Variants in FBXL17 observed in about 807,000 individuals in gnomAD.
FBXL17 encodes F-box and leucine rich repeat protein 17.
In FBXL17, 22 loss-of-function variants were observed where a neutral mutation model predicts 66.2. The observed-to-expected ratio is 0.33, with a 90% CI of 0.24 to 0.47. FBXL17 has a LOEUF of 0.47. Among genes scored for constraint, FBXL17 ranks in the 20% least tolerant of loss-of-function variants. The pLI is 1.00. For synonymous variants in FBXL17, 474 were observed against 400.5 expected (o/e 1.18, Z -2.19); for missense variants, 878 against 948.2 (o/e 0.93, Z 0.97).
intron 6 of FBXL17, among the ~76,000 whole-genome samples, chr5:108,126,615 A>T (rs961348521): frequency 1.4e-4 from 14 of 100,588 alleles, no homozygotes; most frequent in Admixed American, 1.3e-3. Context: ...ATATAAGATT[A>T]TCTCTCTGTC....
At chr5:108,077,328 T>C (rs1369186977) in intron 6 of FBXL17, among the ~76,000 whole-genome samples, 1 of 152,238 alleles carries the variant, frequency 6.6e-6, no homozygotes, top group South Asian at 2.1e-4. Flanking sequence ...TATGATTTTC[T>C]CTGGTAGAAA....
chr5:108,195,789 G>C (rs1753656181), intron 5 of FBXL17, among the ~76,000 whole-genome samples: 1 of 152,130 alleles, frequency 6.6e-6, no homozygotes, highest in African/African-American at 2.4e-5. Flanking sequence ...TTTGAAAGTA[G>C]AATCAACAGA....
intron 6 of FBXL17, among the ~76,000 whole-genome samples, chr5:108,087,297 G>A (rs1749011046): frequency 6.6e-6 from 1 of 152,184 alleles, no homozygotes; most frequent in African/African-American, 2.4e-5. Flanking sequence ...CTGTGGTAGA[G>A]ACAGATGCAC....
chr5:108,000,098 T>A (rs569207440), intron 7 of FBXL17, among the ~76,000 whole-genome samples: 1 of 152,330 alleles, frequency 6.6e-6, no homozygotes, highest in Non-Finnish European at 1.5e-5. Context: ...TGTTTTCTTA[T>A]CTGTAAAATG....
chr5:107,937,793 T>C (rs1750963000), intron 7 of FBXL17, among the ~76,000 whole-genome samples: 1 of 152,084 alleles, frequency 6.6e-6, no homozygotes, highest in Non-Finnish European at 1.5e-5. Context: ...TCACTGGCAA[T>C]ATTGAGATTA....
chr5:108,220,352 C>T (rs1301781395), intron 5 of FBXL17, among the ~76,000 whole-genome samples: 1 of 152,118 alleles, frequency 6.6e-6, no homozygotes, highest in Non-Finnish European at 1.5e-5. Context: ...TACCCCCCAA[C>T]CTGTGCTGCA....
In FBXL17 at chr5:108,150,434, G is replaced by A. The variant is rs541173376; in HGVS notation, c.1745+35683C>T. On this transcript the variant is annotated intron_variant, in intron 6 of 8. Coordinates refer to ENST00000542267, the MANE Select transcript of FBXL17 (RefSeq NM_001163315.3). Reference sequence around the variant, plus strand: ...GCCCAGGCTGATCTCAAACTCCTGAGCTCAAGTAATCCTCTGGCTTCCACC... The same window carrying A: ...GCCCAGGCTGATCTCAAACTCCTGAACTCAAGTAATCCTCTGGCTTCCACC... Among the ~76,000 whole-genome samples, 4 of 152,216 alleles carry A rather than the reference G, an allele frequency of 2.6e-5. No homozygotes were observed. The South Asian group carries it at 8.3e-4, about 32-fold the overall frequency.
At chr5:108,141,383 T>C (rs1316513662) in intron 6 of FBXL17, among the ~76,000 whole-genome samples, 1 of 150,004 alleles carries the variant, frequency 6.7e-6, no homozygotes, top group Non-Finnish European at 1.5e-5. Flanking sequence ...TGCTATTGAC[T>C]ACAGACCTTT....
At position 108,262,084 on chromosome 5, in the gene FBXL17, TTA is replaced by T. The variant is rs1324908580; in HGVS notation, c.1507-37858_1507-37857del. On this transcript the variant is annotated intron_variant, in intron 4 of 8. Coordinates refer to ENST00000542267, the MANE Select transcript of FBXL17 (RefSeq NM_001163315.3). ...TTTATTTATTTATTTATTTATTTAT[TTA>T]TTTTTTTTGAGACAGAGTCTCGCTC... Among the ~76,000 whole-genome samples, 1,461 of 147,538 alleles carry T rather than the reference TTA, an allele frequency of 9.9e-3. 49 individuals carry two copies. The highest frequency in any genetic ancestry group is 0.032 in the African/African-American group (1,242 of 39,216).
chr5:108,084,263 A>AG (rs1257381950), intron 6 of FBXL17, among the ~76,000 whole-genome samples: 6 of 152,182 alleles, frequency 3.9e-5, no homozygotes, highest in Non-Finnish European at 8.8e-5. Flanking sequence ...GGCAACAGCA[A>AG]TGCTGCTTGT....
At chr5:108,367,761 A>G in intron 2 of FBXL17, 70 bp downstream of exon 2, 2 of 1,329,394 alleles carry the variant, frequency 1.5e-6, no homozygotes, top group Non-Finnish European at 2.0e-6. Context: ...GACAGTAAAG[A>G]TTTCTGAAGA....
intron 5 of FBXL17, among the ~76,000 whole-genome samples, chr5:108,219,928 C>CTTTTTTTTTTTTTTTTTTTTTTTTTCT: frequency 2.7e-5 from 1 of 37,432 alleles, no homozygotes; most frequent in Non-Finnish European, 4.6e-5. Context: ...TTACTATTTC[C>CTTTTTTTTTTTTTTTTTTTTTTTTTCT]TTTTTTTTTT....
chr5:108,323,430 T>C (rs146938978), intron 4 of FBXL17, among the ~76,000 whole-genome samples: 4 of 151,934 alleles, frequency 2.6e-5, no homozygotes, highest in African/African-American at 9.6e-5. Context: ...AATTACAAAA[T>C]ATCACTGAAA....
At chr5:108,081,281 T>C (rs1748751367) in intron 6 of FBXL17, among the ~76,000 whole-genome samples, 1 of 152,196 alleles carries the variant, frequency 6.6e-6, no homozygotes, top group Admixed American at 6.5e-5. Flanking sequence ...ATTTTCAGAT[T>C]TACTTTGGAA....
At position 108,182,272 on chromosome 5, in the gene FBXL17, G is replaced by GC. The variant is rs1561451229; in HGVS notation, c.1745+3844dup. Among the ~76,000 whole-genome samples, 3 of 152,132 alleles carry GC rather than the reference G, an allele frequency of 2.0e-5. No homozygotes were observed. In the South Asian group the frequency reaches 6.2e-4, roughly 32 times the overall value. ...AACAGAATTAATTGATAGGCTAAAC[G>GC]CATTAGTGCATTCCAGTGCCCTCTA... is the stretch of plus-strand genomic sequence containing the variant. On this transcript the variant is annotated intron_variant, in intron 6 of 8. Transcript: ENST00000542267.
intron 5 of FBXL17, among the ~76,000 whole-genome samples, chr5:108,218,872 T>C (rs1158797134): frequency 3.3e-5 from 5 of 152,244 alleles, no homozygotes; most frequent in African/African-American, 7.2e-5. Context: ...TTCCATTCCA[T>C]AGGTTGTCTT....
intron 7 of FBXL17, among the ~76,000 whole-genome samples, chr5:107,930,844 G>A (rs188909272): frequency 3.1e-4 from 47 of 152,234 alleles, no homozygotes; most frequent in Middle Eastern, 6.8e-3. Context: ...AATAAATATT[G>A]GAAAACTACA....
At chr5:108,172,442 C>A (rs144789450) in intron 6 of FBXL17, among the ~76,000 whole-genome samples, 1 of 152,118 alleles carries the variant, frequency 6.6e-6, no homozygotes, top group Non-Finnish European at 1.5e-5. Context: ...CAAAAGAGTG[C>A]GTATATAAAA....
chr5:107,880,901 T>G (rs554121614), intron 8 of FBXL17, 136 bp downstream of exon 8: 7 of 1,443,534 alleles, frequency 4.8e-6, no homozygotes, highest in Non-Finnish European at 6.4e-6. Flanking sequence ...ATAGCTATAA[T>G]TGCATATATA....
Sources: gnomAD v4.1 joint callset for allele counts (sites outside exome capture counted in the v4.1 genomes callset) on GRCh38, gnomAD v4.1.1 for gene constraint, MANE v1.5 for transcripts, NCBI Gene and HGNC (gene_info 2026-07-23, HGNC 2026-07-21) for gene names.